The following APOB variants were observed in gnomAD, a reference collection of about 807,000 sequenced individuals.
APOB encodes apolipoprotein B.
Under a neutral mutation model 314.1 loss-of-function variants are expected in APOB, and 153 were observed. The observed-to-expected ratio is 0.49, with a 90% CI of 0.43 to 0.56. The LOEUF is 0.56. Ranked by LOEUF, APOB falls within the 20% of genes least tolerant of loss-of-function variation. The probability of loss-of-function intolerance (pLI) is 0.00; values close to 1 mark genes in which losing one functional copy is unlikely to be tolerated. For missense variants in APOB, 5,430 were observed against 5,350.7 expected, an observed-to-expected ratio of 1.01 and a Z score of -0.46; for synonymous variants, 2,087 against 2,036.4, an observed-to-expected ratio of 1.02 and a Z score of -0.67.
chr2:21,039,197 C>T (rs1386869533), intron 4 of APOB, among the ~76,000 whole-genome samples: 1 of 152,214 alleles, frequency 6.6e-6, no homozygotes, highest in Non-Finnish European at 1.5e-5. Context: ...CTCGTTTCCA[C>T]CAGCAGCTCA....
At chr2:21,019,214 T>C (rs1033382521) in intron 19 of APOB, 101 bp from the exon 20 acceptor site, 17 of 1,440,266 alleles carry the variant, frequency 1.2e-5, no homozygotes, top group Non-Finnish European at 1.7e-5. Context: ...AAAAATATGG[T>C]CCTTATTTTA....
rs192407948 is a variant in APOB at position 21,040,073 on chromosome 2, C to T, written c.383+865G>A. On this transcript the variant is annotated intron_variant, in intron 4 of 28. Coordinates refer to ENST00000233242, the MANE Select transcript of APOB (RefSeq NM_000384.3). ...GGGCAGGTCTTTCCCGTGCTGTTCTCGTGATTGCAGATGGGTGTCGGGAGA... is the reference window on the plus strand; with the variant it reads ...GGGCAGGTCTTTCCCGTGCTGTTCTTGTGATTGCAGATGGGTGTCGGGAGA... Among the ~76,000 whole-genome samples the T allele has an allele frequency of 6.3e-4, 96 of 152,208 alleles. 1 individual carries two copies. Among genetic ancestry groups the T allele is most frequent in the African/African-American group, 1.3e-3 (54 of 41,518 alleles).
In APOB at chr2:21,010,527, G is replaced by A. The variant is rs1663278506; in HGVS notation, c.6341C>T (p.Ala2114Val). The change falls in exon 26 of 29, where the codon GCC (alanine) becomes GTC (valine). Residue 2114 changes from alanine (A) to valine (V), a missense_variant. This residue lies in a region of APOB where 3,281 missense variants were observed against 3,171.0 expected (regional missense o/e 1.03). Coordinates refer to ENST00000233242, the MANE Select transcript of APOB (RefSeq NM_000384.3). ...AGCTTGCTGTGGGAGTTTTCCCAGG[G>A]CTGCTCTGTATTTTCTTACAAATTG... is the stretch of plus-strand genomic sequence containing the variant. ...IDQFVRKYRA[A>V]LGKLPQQAND... 1 of 1,609,908 alleles carries A rather than the reference G, an allele frequency of 6.2e-7. No individual in the cohort carries two copies. The highest frequency in any genetic ancestry group is 1.3e-5 in the African/African-American group (1 of 74,778).
At chr2:21,004,520 T>C in intron 27 of APOB, 41 bp downstream of exon 27, 6 of 1,612,646 alleles carry the variant, frequency 3.7e-6, no homozygotes, top group Non-Finnish European at 5.1e-6. Flanking sequence ...ACAATGAGTT[T>C]TCAAAAGGTA....
chr2:21,032,071 G>A (rs539363567), intron 10 of APOB, among the ~76,000 whole-genome samples: 1 of 152,304 alleles, frequency 6.6e-6, no homozygotes, highest in African/African-American at 2.4e-5. Context: ...TTAAATAGTA[G>A]GAGATAGCTG....
At chr2:21,013,047 G>A in intron 25 of APOB, 113 bp downstream of exon 25, 1 of 1,281,296 alleles carries the variant, frequency 7.8e-7, no homozygotes, top group Non-Finnish European at 1.1e-6. Context: ...CTTCCAAGTA[G>A]CAAGGAAGAT....
chr2:21,017,789 T>C (rs1663514859), intron 20 of APOB, among the ~76,000 whole-genome samples: 1 of 152,202 alleles, frequency 6.6e-6, no homozygotes, highest in Non-Finnish European at 1.5e-5. Flanking sequence ...CGTAAAACAA[T>C]GTTTACCAAA....
rs1288705750 is a variant in APOB at position 21,038,047 on chromosome 2, G to T, written c.448C>A (p.Pro150Thr). Reference protein sequence around the residue: ...QVFLYPEKDEPTYILNIKRGI... With the variant: ...QVFLYPEKDETTYILNIKRGI... The stretch of plus-strand genomic sequence containing the variant: ...CTCTTGATGTTCAGGATGTAAGTAG[G>T]TTCATCTTTCTCCGGGTAAAGGAAA... The change falls in exon 5 of 29, where the codon CCT becomes ACT. Residue 150 changes from proline to threonine, a missense_variant. By Grantham distance (38) the Pro-to-Thr change is conservative. Transcript: ENST00000233242. 1 of 1,614,056 alleles carries T rather than the reference G, an allele frequency of 6.2e-7. No individual in the cohort carries two copies. Among genetic ancestry groups the T allele is most frequent in the Non-Finnish European group, 8.5e-7 (1 of 1,180,038 alleles).
Position 21,043,507 on chromosome 2 carries a change from C to T in APOB, c.121+6G>A. On this transcript the variant is annotated splice_donor_region_variant and intron_variant, in intron 2 of 28. Transcript: ENST00000233242. ...CCCTTCCACGCCCCATGCGCAGATG[C>T]CTTACTTGGACAGACCAGGCTGACA... is the stretch of plus-strand genomic sequence containing the variant. 1.2e-6 allele frequency: 2 copies of T among 1,602,728 alleles called. No homozygotes were observed. Among genetic ancestry groups the T allele is most frequent in the East Asian group, 2.2e-5 (1 of 44,648 alleles).
In APOB at chr2:21,011,950, C is replaced by T. The variant is rs1445836748; in HGVS notation, c.4918G>A (p.Ala1640Thr). The change falls in exon 26 of 29, where the codon GCT becomes ACT. Residue 1640 changes from alanine (A) to threonine (T), a missense_variant. Physicochemically the swap from Ala to Thr is moderately conservative, Grantham distance 58 (BLOSUM62 0). This residue lies in a region of APOB where 2,085 missense variants were observed against 2,079.7 expected (regional missense o/e 1.00). Coordinates refer to ENST00000233242, the MANE Select transcript of APOB (RefSeq NM_000384.3). Reference sequence around the variant, plus strand: ...CCAATCCTTAGTGTCGCCTTGTGAGCACCACTATTAATTTTGTCAGTGCCT... The same window carrying T: ...CCAATCCTTAGTGTCGCCTTGTGAGTACCACTATTAATTTTGTCAGTGCCT... The part of the protein sequence containing the change: ...ILGTDKINSG[A>T]HKATLRIGQD... The T allele has an allele frequency of 5.0e-6, 8 of 1,614,028 alleles. No homozygotes were observed. The highest frequency in any genetic ancestry group is 3.4e-6 in the Non-Finnish European group (4 of 1,180,030).
intron 2 of APOB, 66 bp downstream of exon 2, chr2:21,043,447 G>C: frequency 6.5e-7 from 1 of 1,548,398 alleles, no homozygotes. Context: ...AGGCCCTCAG[G>C]GACCCGGGTG....
At position 21,015,381 on chromosome 2, in the gene APOB, G is replaced by A. The variant is rs774588418; in HGVS notation, c.3497C>T (p.Ala1166Val). The change falls in exon 22 of 29, where the codon GCA becomes GTA. Residue 1166 changes from alanine to valine, a missense_variant. Physicochemically the swap from Ala to Val is moderately conservative, Grantham distance 64. Coordinates refer to ENST00000233242, the MANE Select transcript of APOB (RefSeq NM_000384.3). ...GAAGAGACACATACCATAATGCCAT[G>A]CCACCCTCTTGGAAACTGTGGAGCC... ...AYGSTVSKRV[A>V]WHYDEEKIEF... The A allele has an allele frequency of 3.7e-6, 6 of 1,614,192 alleles. No individual in the cohort carries two copies. Among genetic ancestry groups the A allele is most frequent in the Non-Finnish European group, 5.1e-6 (6 of 1,180,032 alleles).
In APOB at chr2:21,019,773, G is replaced by T; in HGVS notation, c.2949C>A (p.Asn983Lys). 6.2e-7 allele frequency: 1 copy of T among 1,614,182 alleles called. No individual in the cohort carries two copies. Among genetic ancestry groups the T allele is most frequent in the African/African-American group, 1.3e-5 (1 of 75,040 alleles). Reference sequence around the variant, plus strand: ...AGGAGGCGGAGTCTGTGGAGCTGGCGTTGGAGTAAGCGCCTGAGGTGCAGT... The same window carrying T: ...AGGAGGCGGAGTCTGTGGAGCTGGCTTTGGAGTAAGCGCCTGAGGTGCAGT... ...LNYCTSGAYS[N>K]ASSTDSASYY... Residue 983 changes from asparagine (N) to lysine (K), a missense_variant, in exon 19 of 29, where the codon AAC (asparagine) becomes AAA (lysine). Coordinates refer to ENST00000233242, the MANE Select transcript of APOB (RefSeq NM_000384.3).
Position 21,038,087 on chromosome 2 carries a change from T to C in APOB, c.408A>G (p.Pro136=). Residue 136 remains proline, a synonymous_variant, in exon 5 of 29, where the codon CCA becomes CCG. Transcript: ENST00000233242. The part of the protein sequence containing the change: ...MSRYELKLAI[P]EGKQVFLYPE... ...GGTAAAGGAAAACCTGCTTCCCTTC[T>C]GGAATGGCCAGCTTGAGCTCATACC... 6.2e-7 allele frequency: 1 copy of C among 1,614,158 alleles called. No homozygotes were observed. Among genetic ancestry groups the C allele is most frequent in the Non-Finnish European group, 8.5e-7 (1 of 1,180,036 alleles).
At chr2:21,004,765 C>T in intron 26 of APOB, 90 bp from the exon 27 acceptor site, 1 of 994,482 alleles carries the variant, frequency 1.0e-6, no homozygotes. Context: ...TCTATCCTAA[C>T]CAGATATTTC....
chr2:21,008,963 G>A lies in APOB; in HGVS notation c.7905C>T (p.Asp2635=), dbSNP rs773060115. 1 of 1,613,858 alleles carries A rather than the reference G, an allele frequency of 6.2e-7. No homozygotes were observed. Among genetic ancestry groups the A allele is most frequent in the Non-Finnish European group, 8.5e-7 (1 of 1,179,916 alleles). The change falls in exon 26 of 29, where the codon GAC becomes GAT. Residue 2635 remains aspartate (D), a synonymous_variant. Coordinates refer to ENST00000233242, the MANE Select transcript of APOB (RefSeq NM_000384.3). The stretch of plus-strand genomic sequence containing the variant: ...TGGATGGGATTTTTATATTTTTTAA[G>A]TCTTTGAAGTTTATCTGAACTGATG... ...RIPSVQINFK[D]LKNIKIPSRF...
At position 21,008,238 on chromosome 2, in the gene APOB, A is replaced by G; in HGVS notation, c.8630T>C (p.Ile2877Thr). The change falls in exon 26 of 29, where the codon ATA (isoleucine) becomes ACA (threonine). Residue 2877 changes from isoleucine to threonine, a missense_variant. This residue lies in a region of APOB where 3,281 missense variants were observed against 3,171.0 expected (regional missense o/e 1.03). Coordinates refer to ENST00000233242, the MANE Select transcript of APOB (RefSeq NM_000384.3). ...GCTATCCAGGGTAAGCTGATTGTTT[A>G]TCTTGACAATCACTCCATTACTAAG... ...LELSNGVIVK[I>T]NNQLTLDSNT... 1 of 1,614,062 alleles carries G rather than the reference A, an allele frequency of 6.2e-7. No individual in the cohort carries two copies. The highest frequency in any genetic ancestry group is 1.1e-5 in the South Asian group (1 of 91,080).
chr2:21,013,653 T>C (rs1252844815), intron 24 of APOB, 120 bp from the exon 25 acceptor site: 18 of 1,390,598 alleles, frequency 1.3e-5, no homozygotes, highest in Non-Finnish European at 1.8e-5. Context: ...TCTGCACTTT[T>C]CTTTGTGCTA....
chr2:21,008,034 T>G lies in APOB; in HGVS notation c.8834A>C (p.Gln2945Pro). The G allele has an allele frequency of 1.4e-5, 22 of 1,614,128 alleles. No individual in the cohort carries two copies. The highest frequency in any genetic ancestry group is 1.9e-5 in the Non-Finnish European group (22 of 1,179,968). Residue 2945 changes from glutamine (Q) to proline (P), a missense_variant, in exon 26 of 29, where the codon CAA becomes CCA. Coordinates refer to ENST00000233242, the MANE Select transcript of APOB (RefSeq NM_000384.3). ...GGGTCCTTCTATGGTGAAACTAATT[T>G]GTGATTCATGTGTTCCCTCATCTGA... ...RFSDEGTHES[Q>P]ISFTIEGPLT...
Sources: allele counts gnomAD v4.1 joint callset (sites outside exome capture counted in the v4.1 genomes callset), GRCh38; gene constraint gnomAD v4.1.1; regional missense constraint gnomAD v4.1.1; transcripts MANE v1.5; gene names NCBI Gene and HGNC (gene_info 2026-07-23, HGNC 2026-07-21).